Variants in GRIA1 observed in about 807,000 individuals in gnomAD.
The protein encoded by GRIA1 is glutamate receptor 1.
GRIA1 carries 31 observed loss-of-function variants against 99.2 expected under a neutral mutation model. That is an observed-to-expected ratio of 0.31 (90% CI 0.23 to 0.42). The LOEUF is 0.42. Among genes scored for constraint, GRIA1 ranks in the 10% least tolerant of loss-of-function variants. The pLI, the probability that GRIA1 is intolerant of heterozygous loss-of-function variation, is 1.00. For missense variants in GRIA1, 782 were observed against 1,157.5 expected (o/e 0.68, Z 4.71); for synonymous variants, 438 against 432.4 (o/e 1.01, Z -0.16).
intron 2 of GRIA1, among the ~76,000 whole-genome samples, chr5:153,536,823 C>T (rs561213025): frequency 6.6e-6 from 1 of 152,142 alleles, no homozygotes; most frequent in Middle Eastern, 3.2e-3. Flanking sequence ...TTAATATTTC[C>T]GGTCAATTCT....
rs1460653620 is a variant in GRIA1, at chr5:153,813,649, T to C, written c.*2424T>C. 6.6e-6 allele frequency: 1 copy of C among 152,246 alleles called. No individual in the cohort carries two copies. The highest frequency in any genetic ancestry group is 1.5e-5 in the Non-Finnish European group (1 of 68,034). The allele number at this position is 152,246 out of a possible 1,614,324, so 9.4% of individuals were successfully genotyped here. A position where few individuals can be genotyped will look rare whatever the true frequency, so the allele number is the denominator to read the frequency against. ...CTCAACAGGAATCCATACTTAACAG[T>C]TCTGGCTTTCATTAAATTTTGCTCT... On this transcript the variant is annotated 3_prime_UTR_variant, in exon 16 of 16. Coordinates refer to ENST00000285900, the MANE Select transcript of GRIA1 (RefSeq NM_000827.4).
intron 11 of GRIA1, among the ~76,000 whole-genome samples, chr5:153,737,071 GGCT>G (rs1378998631): frequency 2.0e-5 from 3 of 152,120 alleles, no homozygotes; most frequent in Non-Finnish European, 2.9e-5. Flanking sequence ...TATTGGGTTA[GGCT>G]GTAAGCCTCG....
intron 14 of GRIA1, chr5:153,795,431 A>T: frequency 9.7e-7 from 1 of 1,025,866 alleles, no homozygotes; most frequent in Non-Finnish European, 1.5e-6. Context: ...ATAACATAAA[A>T]TAACATTGGT....
intron 13 of GRIA1, among the ~76,000 whole-genome samples, chr5:153,774,197 C>T (rs1046253633): frequency 2.6e-5 from 4 of 151,706 alleles, no homozygotes; most frequent in African/African-American, 9.7e-5. Flanking sequence ...CCAAATACCA[C>T]AAACACATGT....
At chr5:153,776,908 C>CT (rs1404257980) in intron 13 of GRIA1, among the ~76,000 whole-genome samples, 3 of 152,112 alleles carry the variant, frequency 2.0e-5, no homozygotes, top group African/African-American at 7.2e-5. Flanking sequence ...CCCTGGAATC[C>CT]TTTTTTTGCC....
intron 2 of GRIA1, among the ~76,000 whole-genome samples, chr5:153,557,331 C>A (rs765933723): frequency 6.6e-6 from 1 of 152,158 alleles, no homozygotes; most frequent in Non-Finnish European, 1.5e-5. Context: ...ATGGCAAGAT[C>A]TTGGCTCACT....
At chr5:153,752,873 G>A (rs1340048747) in intron 11 of GRIA1, among the ~76,000 whole-genome samples, 1 of 152,150 alleles carries the variant, frequency 6.6e-6, no homozygotes, top group African/African-American at 2.4e-5. Flanking sequence ...GGCCCAATCA[G>A]GTGAACTCTT....
intron 10 of GRIA1, among the ~76,000 whole-genome samples, chr5:153,703,357 AT>A: frequency 6.6e-6 from 1 of 152,250 alleles, no homozygotes; most frequent in Non-Finnish European, 1.5e-5. Context: ...AAGCATGTTT[AT>A]TTTTATGTTA....
At position 153,777,728 on chromosome 5, in the gene GRIA1, T is replaced by G. The variant is rs139591340; in HGVS notation, c.2270+7313T>G. On this transcript the variant is annotated intron_variant, in intron 13 of 15. Coordinates refer to ENST00000285900, the MANE Select transcript of GRIA1 (RefSeq NM_000827.4). ...GGCTGCATTAGAAATAAAATATCTCTGAGAACAATTTGTGGTCCTCCCCCA... is the reference window on the plus strand; with the variant it reads ...GGCTGCATTAGAAATAAAATATCTCGGAGAACAATTTGTGGTCCTCCCCCA... 5.3e-5 allele frequency among the ~76,000 whole-genome samples: 8 copies of G among 152,258 alleles called. No individual in the cohort carries two copies. In the East Asian group the frequency reaches 1.5e-3, roughly 29 times the overall value.
chr5:153,695,758 A>C (rs1186221672), intron 8 of GRIA1, among the ~76,000 whole-genome samples: 2 of 152,168 alleles, frequency 1.3e-5, no homozygotes, highest in East Asian at 3.9e-4. Context: ...CATGGTACAC[A>C]TGCCTGCACT....
chr5:153,727,574 A>C (rs1034239315), intron 11 of GRIA1, among the ~76,000 whole-genome samples: 88 of 152,260 alleles, frequency 5.8e-4, no homozygotes, highest in African/African-American at 1.8e-3. Context: ...AAATCACAAG[A>C]ATTCTTATAC....
intron 12 of GRIA1, among the ~76,000 whole-genome samples, chr5:153,768,382 G>A (rs1763657024): frequency 6.6e-6 from 1 of 152,082 alleles, no homozygotes; most frequent in Non-Finnish European, 1.5e-5. Flanking sequence ...GGGAAACTAA[G>A]GCCCAAAGAG....
chr5:153,492,948 G>A (rs1424425567), intron 1 of GRIA1, among the ~76,000 whole-genome samples: 1 of 152,200 alleles, frequency 6.6e-6, no homozygotes, highest in Non-Finnish European at 1.5e-5. Flanking sequence ...GAAGTTAGAA[G>A]TGCATTATGT....
chr5:153,763,998 A>C (rs1324016979), intron 11 of GRIA1, among the ~76,000 whole-genome samples: 1 of 152,220 alleles, frequency 6.6e-6, no homozygotes, highest in Non-Finnish European at 1.5e-5. Flanking sequence ...GCAGTCTGAA[A>C]ACATGTCTAA....
chr5:153,702,846 T>A (rs1255765363), intron 10 of GRIA1, among the ~76,000 whole-genome samples: 1 of 152,256 alleles, frequency 6.6e-6, no homozygotes, highest in African/African-American at 2.4e-5. Flanking sequence ...GTATTTTGAA[T>A]TATCTTGACC....
chr5:153,558,843 T>C (rs1760877729), intron 2 of GRIA1, among the ~76,000 whole-genome samples: 1 of 152,168 alleles, frequency 6.6e-6, no homozygotes, highest in South Asian at 2.1e-4. Context: ...TTTTGTCGGA[T>C]TCCCAAAACG....
At chr5:153,710,242 CT>C (rs199997388) in intron 11 of GRIA1, among the ~76,000 whole-genome samples, 78 of 146,258 alleles carry the variant, frequency 5.3e-4, no homozygotes, top group Non-Finnish European at 9.1e-4. Context: ...AAAAAAACAA[CT>C]TTTTTTTTTA....
intron 2 of GRIA1, among the ~76,000 whole-genome samples, chr5:153,610,456 A>G (rs992819835): frequency 6.6e-6 from 1 of 152,240 alleles, no homozygotes; most frequent in Non-Finnish European, 1.5e-5. Flanking sequence ...GGGGAAGACA[A>G]AAGTATTTGG....
intron 2 of GRIA1, among the ~76,000 whole-genome samples, chr5:153,511,304 A>T (rs1474293442): frequency 1.3e-5 from 2 of 152,176 alleles, no homozygotes; most frequent in East Asian, 3.9e-4. Flanking sequence ...TTGTATGTAG[A>T]GGTGAAGTAA....
Sources: allele counts gnomAD v4.1 joint callset (sites outside exome capture counted in the v4.1 genomes callset), GRCh38; gene constraint gnomAD v4.1.1; transcripts MANE v1.5; gene names NCBI Gene and HGNC (gene_info 2026-07-23, HGNC 2026-07-21).